The following CCSER1 variants were observed in gnomAD, a reference collection of about 807,000 sequenced individuals.
CCSER1 encodes the protein coiled-coil serine rich protein 1.
Under a neutral mutation model 82.0 loss-of-function variants are expected in CCSER1, and 41 were observed. That is an observed-to-expected ratio of 0.50 (90% CI 0.39 to 0.65). The LOEUF is 0.65. Ranked by LOEUF, CCSER1 falls within the 30% of genes least tolerant of loss-of-function variation. CCSER1 has a pLI of 0.00. For missense variants in CCSER1, 1,119 were observed against 1,064.2 expected (o/e 1.05, Z -0.72); for synonymous variants, 414 against 383.9 (o/e 1.08, Z -0.92).
intron 10 of CCSER1, among the ~76,000 whole-genome samples, chr4:91,498,931 A>G (rs1234234088): frequency 6.6e-6 from 1 of 151,910 alleles, no homozygotes; most frequent in Non-Finnish European, 1.5e-5. Context: ...TCCATTGTAC[A>G]TATCCAGCAT....
intron 1 of CCSER1, among the ~76,000 whole-genome samples, chr4:90,204,793 A>G (rs897898271): frequency 6.6e-6 from 1 of 152,166 alleles, no homozygotes; most frequent in African/African-American, 2.4e-5. Context: ...CAGTATGGCC[A>G]TTTTCATGAT....
chr4:90,217,870 A>G (rs1321893674), intron 1 of CCSER1, among the ~76,000 whole-genome samples: 2 of 152,134 alleles, frequency 1.3e-5, no homozygotes, highest in South Asian at 2.1e-4. Context: ...ATCATGGCTC[A>G]GTGCAGCCTT....
intron 10 of CCSER1, among the ~76,000 whole-genome samples, chr4:91,099,338 G>T (rs1200341978): frequency 6.6e-6 from 1 of 152,134 alleles, no homozygotes; most frequent in Non-Finnish European, 1.5e-5. Flanking sequence ...GATGAACAGT[G>T]TGAATTTAAG....
rs1287841349 is a variant in CCSER1 at position 91,212,992 on chromosome 4, TTTG to T, written c.2217+127001_2217+127003del. ...ACTTATAAGTGAGAACACGTGGTAG[TTTG>T]TTTTCTGTTTCTGTGTTAATTTTCT... is the stretch of plus-strand genomic sequence containing the variant. On this transcript the variant is annotated intron_variant, in intron 10 of 10. Transcript: ENST00000509176. Among the ~76,000 whole-genome samples, 5 of 152,282 alleles carry T rather than the reference TTTG, an allele frequency of 3.3e-5. No homozygotes were observed. In the East Asian group the frequency reaches 7.7e-4, roughly 24 times the overall value.
At chr4:90,494,223 A>AAT (rs1374702940) in intron 5 of CCSER1, among the ~76,000 whole-genome samples, 1 of 152,222 alleles carries the variant, frequency 6.6e-6, no homozygotes, top group Non-Finnish European at 1.5e-5. Flanking sequence ...AACTATCCTA[A>AAT]ATATATATGC....
At chr4:90,441,955 A>G (rs1168294864) in intron 4 of CCSER1, among the ~76,000 whole-genome samples, 2 of 152,186 alleles carry the variant, frequency 1.3e-5, no homozygotes, top group African/African-American at 4.8e-5. Context: ...TAACAAGACA[A>G]TTTACTTGTT....
At chr4:91,056,789 G>T (rs1318794006) in intron 9 of CCSER1, among the ~76,000 whole-genome samples, 1 of 152,146 alleles carries the variant, frequency 6.6e-6, no homozygotes, top group Non-Finnish European at 1.5e-5. Flanking sequence ...TAAGGATCAG[G>T]CTGAGGTGTA....
chr4:90,840,445 C>A (rs543607861), intron 8 of CCSER1, among the ~76,000 whole-genome samples: 1 of 152,172 alleles, frequency 6.6e-6, no homozygotes, highest in Non-Finnish European at 1.5e-5. Context: ...AACTTTCCTA[C>A]ATTATGATTA....
intron 6 of CCSER1, among the ~76,000 whole-genome samples, chr4:90,694,750 T>C (rs1478443707): frequency 1.3e-5 from 2 of 151,696 alleles, no homozygotes; most frequent in African/African-American, 4.8e-5. Flanking sequence ...AACAGCTCCA[T>C]TAAGCCAGTA....
At chr4:91,508,422 A>G (rs1560725589) in intron 10 of CCSER1, among the ~76,000 whole-genome samples, 1 of 151,776 alleles carries the variant, frequency 6.6e-6, no homozygotes. Flanking sequence ...TTTGTATTTT[A>G]GAAAATTTTT....
intron 1 of CCSER1, among the ~76,000 whole-genome samples, chr4:90,197,087 C>T (rs1004104910): frequency 8.5e-5 from 13 of 152,130 alleles, no homozygotes; most frequent in Non-Finnish European, 1.3e-4. Context: ...AGGGTTCCCA[C>T]GACCCCCTCC....
intron 1 of CCSER1, among the ~76,000 whole-genome samples, chr4:90,200,816 T>G (rs1737554749): frequency 6.6e-6 from 1 of 152,104 alleles, no homozygotes. Context: ...AGTCAACTTT[T>G]GTTTTTTATA....
intron 10 of CCSER1, among the ~76,000 whole-genome samples, chr4:91,113,567 T>A (rs1179633590): frequency 1.3e-5 from 2 of 152,220 alleles, no homozygotes; most frequent in Non-Finnish European, 1.5e-5. Flanking sequence ...TCTTTTGTGA[T>A]AACTGAGCCT....
At chr4:91,305,910 C>A (rs1745033911) in intron 10 of CCSER1, among the ~76,000 whole-genome samples, 2 of 151,640 alleles carry the variant, frequency 1.3e-5, no homozygotes, top group African/African-American at 4.8e-5. Context: ...GACCCCCCCT[C>A]ACTATCACGA....
chr4:91,575,942 A>C (rs1763432004), intron 10 of CCSER1, among the ~76,000 whole-genome samples: 1 of 151,962 alleles, frequency 6.6e-6, no homozygotes, highest in East Asian at 1.9e-4. Flanking sequence ...AAACTGTACG[A>C]AGCTTCTTCA....
chr4:90,727,570 T>G (rs764964087), intron 7 of CCSER1, among the ~76,000 whole-genome samples: 20 of 152,204 alleles, frequency 1.3e-4, no homozygotes, highest in Non-Finnish European at 2.9e-4. Context: ...TTTGTTAGCC[T>G]TGGTAAAATG....
At chr4:90,403,521 G>A (rs6849276) in intron 4 of CCSER1, among the ~76,000 whole-genome samples, 7,352 of 119,256 alleles carry the variant, frequency 0.062, 611 homozygotes, top group African/African-American at 0.17. Flanking sequence ...AAAAAAAAAA[G>A]AAAAAAGACC....
In CCSER1 at chr4:91,598,614, A is replaced by C. The variant is rs1293516190; in HGVS notation, c.2260A>C (p.Arg754=). 19 of 1,551,112 alleles carry C rather than the reference A, an allele frequency of 1.2e-5. No homozygotes were observed. Among genetic ancestry groups the C allele is most frequent in the Admixed American group, 3.9e-5 (2 of 50,944 alleles). The change falls in exon 11 of 11, where the codon AGG becomes CGG. Residue 754 remains arginine, a synonymous_variant. Transcript: ENST00000509176. ...NRIVSQNLST[R]DRKAIHTPTE... Reference sequence around the variant, plus strand: ...AATTGTGAGCCAAAATCTCAGCACAAGGGACAGAAAAGCAATACATACTCC... The same window carrying C: ...AATTGTGAGCCAAAATCTCAGCACACGGGACAGAAAAGCAATACATACTCC...
chr4:91,124,588 TGTG>T (rs1727346635), intron 10 of CCSER1, among the ~76,000 whole-genome samples: 1 of 151,782 alleles, frequency 6.6e-6, no homozygotes, highest in East Asian at 1.9e-4. Context: ...TTGTCTCAAT[TGTG>T]GTACCTACTA....
Sources: allele counts gnomAD v4.1 joint callset (sites outside exome capture counted in the v4.1 genomes callset), GRCh38; gene constraint gnomAD v4.1.1; transcripts MANE v1.5; gene names NCBI Gene and HGNC (gene_info 2026-07-23, HGNC 2026-07-21).